ILRUN: variants seen among roughly 807,000 people sequenced by gnomAD.
ILRUN encodes protein ILRUN.
In ILRUN, 3 loss-of-function variants were observed where a neutral mutation model predicts 33.8. The ratio of observed to expected loss-of-function variants is 0.09; its 90% CI spans 0.04 to 0.23. ILRUN has a LOEUF of 0.23. Ranked by LOEUF, ILRUN falls within the 10% of genes least tolerant of loss-of-function variation. ILRUN has a pLI of 1.00. For synonymous variants in ILRUN, 124 were observed against 138.9 expected (o/e 0.89, Z 0.75); for missense variants, 210 against 375.1 (o/e 0.56, Z 3.64).
At chr6:34,684,988 T>A (rs1763483472) in intron 1 of ILRUN, among the ~76,000 whole-genome samples, 1 of 152,170 alleles carries the variant, frequency 6.6e-6, no homozygotes, top group African/African-American at 2.4e-5. Flanking sequence ...ATTGAAGCTG[T>A]GATTTAGAAA....
At position 34,615,943 on chromosome 6, in the gene ILRUN, G is replaced by C. The variant is rs536640307; in HGVS notation, c.512-9039C>G. ...GGCTGAGGCTGCTTGACTAATCCCA[G>C]AGTCTGCTTTTGACCAGCAGTTGTA... On this transcript the variant is annotated intron_variant, in intron 3 of 4. Coordinates refer to ENST00000374023, the MANE Select transcript of ILRUN (RefSeq NM_024294.4). Among the ~76,000 whole-genome samples, 177 of 152,302 alleles carry C rather than the reference G, an allele frequency of 1.2e-3. 1 individual carries two copies. The highest frequency in any genetic ancestry group is 2.1e-3 in the Non-Finnish European group (140 of 68,018).
chr6:34,669,568 T>G (rs866639631), intron 1 of ILRUN, among the ~76,000 whole-genome samples: 1 of 152,202 alleles, frequency 6.6e-6, no homozygotes, highest in African/African-American at 2.4e-5. Flanking sequence ...ACCATCGATG[T>G]GGTTGTTACT....
intron 4 of ILRUN, among the ~76,000 whole-genome samples, chr6:34,603,194 GGCACCCC>G (rs1761551733): frequency 6.6e-6 from 1 of 152,092 alleles, no homozygotes; most frequent in Non-Finnish European, 1.5e-5. Flanking sequence ...TAGCACCTTA[GGCACCCC>G]TCCTCCCTAG....
chr6:34,682,963 T>C (rs1192280785), intron 1 of ILRUN, among the ~76,000 whole-genome samples: 1 of 14,182 alleles, frequency 7.1e-5, no homozygotes. Flanking sequence ...ACCCCATCTC[T>C]AAAAAAATTT....
At chr6:34,617,838 T>C (rs181475219) in intron 3 of ILRUN, among the ~76,000 whole-genome samples, 45 of 152,288 alleles carry the variant, frequency 3.0e-4, no homozygotes, top group Middle Eastern at 6.8e-3. Context: ...TTAAGCTACC[T>C]TAAATCTAAT....
intron 4 of ILRUN, among the ~76,000 whole-genome samples, chr6:34,600,473 T>A (rs963312839): frequency 6.6e-6 from 1 of 152,178 alleles, no homozygotes; most frequent in African/African-American, 2.4e-5. Context: ...AAATACTCAG[T>A]ATATTCAAAG....
intron 4 of ILRUN, among the ~76,000 whole-genome samples, chr6:34,603,444 C>A (rs1471112716): frequency 2.6e-5 from 4 of 152,168 alleles, no homozygotes; most frequent in Admixed American, 6.5e-5. Flanking sequence ...ACCATCCCGG[C>A]TAAAACGGTG....
chr6:34,620,609 T>C lies in ILRUN; in HGVS notation c.512-13705A>G, dbSNP rs559441653. On this transcript the variant is annotated intron_variant, in intron 3 of 4. Coordinates refer to ENST00000374023, the MANE Select transcript of ILRUN (RefSeq NM_024294.4). ...CCTCCAGCCTCCCAGGAGGCTAAGG[T>C]AGAAGGATCACTTGAGCCCACAAGT... is the stretch of plus-strand genomic sequence containing the variant. Among the ~76,000 whole-genome samples, 55 of 152,210 alleles carry C rather than the reference T, an allele frequency of 3.6e-4. No homozygotes were observed. In the South Asian group the frequency reaches 9.7e-3, roughly 27 times the overall value.
chr6:34,626,044 G>A (rs892238983), intron 3 of ILRUN, among the ~76,000 whole-genome samples: 15 of 152,032 alleles, frequency 9.9e-5, no homozygotes, highest in African/African-American at 3.4e-4. Context: ...TAGGGACGGG[G>A]TTTCACCATG....
chr6:34,672,262 T>G (rs1327053083), intron 1 of ILRUN, among the ~76,000 whole-genome samples: 2 of 152,002 alleles, frequency 1.3e-5, no homozygotes, highest in East Asian at 3.8e-4. Flanking sequence ...CATGGCTAAT[T>G]TTTGTAATTT....
intron 3 of ILRUN, among the ~76,000 whole-genome samples, chr6:34,622,330 G>T (rs1189741420): frequency 6.6e-6 from 1 of 152,002 alleles, no homozygotes; most frequent in Non-Finnish European, 1.5e-5. Flanking sequence ...TGTCATAAGG[G>T]GTTAATATCT....
rs149987221 is a variant in ILRUN at position 34,622,245 on chromosome 6, CTG to C, written c.512-15343_512-15342del. Among the ~76,000 whole-genome samples, 650 of 152,264 alleles carry C rather than the reference CTG, an allele frequency of 4.3e-3. 5 individuals are homozygous for C. Among genetic ancestry groups the C allele is most frequent in the African/African-American group, 0.015 (605 of 41,544 alleles). ...ATAAATTAGACATCAAAATTAAAAA[CTG>C]TGCACCAAATGACACAATCAACAGA... On this transcript the variant is annotated intron_variant, in intron 3 of 4. Transcript: ENST00000374023.
intron 3 of ILRUN, among the ~76,000 whole-genome samples, chr6:34,643,620 C>T (rs1437278015): frequency 1.3e-5 from 2 of 152,142 alleles, no homozygotes; most frequent in African/African-American, 4.8e-5. Context: ...TGGGGATGGA[C>T]TAAATGGCTG....
chr6:34,629,837 G>A (rs1330171368), intron 3 of ILRUN, among the ~76,000 whole-genome samples: 7 of 152,134 alleles, frequency 4.6e-5, no homozygotes, highest in Non-Finnish European at 8.8e-5. Context: ...CATGGATACA[G>A]GAGTCCTTCC....
intron 1 of ILRUN, among the ~76,000 whole-genome samples, chr6:34,690,745 C>G (rs9296124): frequency 0.036 from 5,407 of 151,606 alleles, 339 homozygotes; most frequent in African/African-American, 0.12. Context: ...CCAAGGAGGA[C>G]AAACACAAAC....
At chr6:34,627,125 A>C (rs1762153161) in intron 3 of ILRUN, among the ~76,000 whole-genome samples, 1 of 152,146 alleles carries the variant, frequency 6.6e-6, no homozygotes, top group Non-Finnish European at 1.5e-5. Flanking sequence ...CCGTAGTTTT[A>C]TCTTTTCCAA....
intron 3 of ILRUN, among the ~76,000 whole-genome samples, chr6:34,634,418 T>A (rs1762313024): frequency 6.6e-6 from 1 of 152,054 alleles, no homozygotes; most frequent in Non-Finnish European, 1.5e-5. Flanking sequence ...AATCTCAGTT[T>A]CCACCTTAAG....
In ILRUN at chr6:34,676,231, T is replaced by C. The variant is rs551706901; in HGVS notation, c.158+20215A>G. 2.4e-3 allele frequency among the ~76,000 whole-genome samples: 347 copies of C among 146,510 alleles called. 1 individual carries two copies. The highest frequency in any genetic ancestry group is 7.8e-3 in the African/African-American group (294 of 37,630). On this transcript the variant is annotated intron_variant, in intron 1 of 4. Coordinates refer to ENST00000374023, the MANE Select transcript of ILRUN (RefSeq NM_024294.4). Reference sequence around the variant, plus strand: ...CCAGCCTGGGTAACATAGCAAGACATTGTCTCTACAAAAAAAAAAATGCTG... The same window carrying C: ...CCAGCCTGGGTAACATAGCAAGACACTGTCTCTACAAAAAAAAAAATGCTG...
chr6:34,663,710 T>C (rs2127372633), intron 1 of ILRUN, among the ~76,000 whole-genome samples: 1 of 152,336 alleles, frequency 6.6e-6, no homozygotes, highest in African/African-American at 2.4e-5. Flanking sequence ...CCCATTTCAA[T>C]TGTACAATTC....
Sources: allele counts gnomAD v4.1 joint callset (sites outside exome capture counted in the v4.1 genomes callset), GRCh38; gene constraint gnomAD v4.1.1; transcripts MANE v1.5; gene names NCBI Gene and HGNC (gene_info 2026-07-23, HGNC 2026-07-21).